The following TNRC6A variants were observed in gnomAD, a reference collection of about 807,000 sequenced individuals.
The protein encoded by TNRC6A is trinucleotide repeat-containing gene 6A protein.
In TNRC6A, 44 loss-of-function variants were observed where a neutral mutation model predicts 221.2. That is an observed-to-expected ratio of 0.20 (90% CI 0.16 to 0.26). The LOEUF (loss-of-function observed/expected upper bound fraction) is 0.26, where lower values mean the gene tolerates loss of function less well. Among genes scored for constraint, TNRC6A ranks in the 10% least tolerant of loss-of-function variants. The pLI is 1.00. For synonymous variants in TNRC6A, 847 were observed against 838.5 expected, an observed-to-expected ratio of 1.01 and a Z score of -0.18; for missense variants, 2,199 against 2,404.4, an observed-to-expected ratio of 0.91 and a Z score of 1.79.
intron 5 of TNRC6A, among the ~76,000 whole-genome samples, chr16:24,783,138 CT>C (rs551197182): frequency 3.4e-5 from 5 of 147,816 alleles, no homozygotes; most frequent in Non-Finnish European, 6.0e-5. Context: ...TGTTTCTTTT[CT>C]TTTTTTTTTC....
intron 18 of TNRC6A, among the ~76,000 whole-genome samples, chr16:24,809,789 T>C (rs920542273): frequency 6.6e-6 from 1 of 152,178 alleles, no homozygotes; most frequent in Non-Finnish European, 1.5e-5. Context: ...TTATTAACAT[T>C]TACTGGATTT....
At chr16:24,617,975 G>A (rs1900458936) in intron 1 of TNRC6A, among the ~76,000 whole-genome samples, 1 of 152,118 alleles carries the variant, frequency 6.6e-6, no homozygotes, top group Non-Finnish European at 1.5e-5. Context: ...ATCTCAGCTC[G>A]TAACCTCTGC....
intron 2 of TNRC6A, among the ~76,000 whole-genome samples, chr16:24,681,333 T>C (rs749357843): frequency 1.3e-5 from 2 of 152,136 alleles, no homozygotes; most frequent in East Asian, 1.9e-4. Context: ...ATTCAAGTGA[T>C]TCTCCTGCCT....
In TNRC6A at chr16:24,818,670, C is replaced by T. The variant is rs1385868158; in HGVS notation, c.5050C>T (p.Pro1684Ser). ...CATTCGTGCCTCCAACTACAACGTTCCCCTCAGCAGTACAGCACAAAGCAC... is the reference window on the plus strand; with the variant it reads ...CATTCGTGCCTCCAACTACAACGTTTCCCTCAGCAGTACAGCACAAAGCAC... ...SSIRASNYNV[P>S]LSSTAQSTSA... Residue 1684 changes from proline (P) to serine (S), a missense_variant, in exon 21 of 25, where the codon CCC (proline) becomes TCC (serine). Pro to Ser is a moderately conservative substitution (Grantham distance 74, BLOSUM62 -1). This residue lies in a region of TNRC6A where 449 missense variants were observed against 579.7 expected (regional missense o/e 0.77). Coordinates refer to ENST00000395799, the MANE Select transcript of TNRC6A (RefSeq NM_014494.4). The T allele has an allele frequency of 1.2e-6, 2 of 1,614,052 alleles. No individual in the cohort carries two copies. Among genetic ancestry groups the T allele is most frequent in the Non-Finnish European group, 1.7e-6 (2 of 1,180,022 alleles).
chr16:24,822,678 G>A (rs2058789859), intron 23 of TNRC6A, among the ~76,000 whole-genome samples, 196 bp from the exon 24 acceptor site: 1 of 152,124 alleles, frequency 6.6e-6, no homozygotes, highest in African/African-American at 2.4e-5. Flanking sequence ...GGCCAGAGCG[G>A]TATGGCTCTG....
intron 5 of TNRC6A, among the ~76,000 whole-genome samples, chr16:24,779,580 C>G (rs1033699818): frequency 6.6e-6 from 1 of 152,146 alleles, no homozygotes; most frequent in Non-Finnish European, 1.5e-5. Context: ...GTGGCTAATC[C>G]TTATGGGGTG....
chr16:24,735,991 C>T (rs897286329), intron 2 of TNRC6A, among the ~76,000 whole-genome samples: 3 of 152,004 alleles, frequency 2.0e-5, no homozygotes, highest in Non-Finnish European at 1.5e-5. Flanking sequence ...ATGGTGAAAC[C>T]CCATCTTTAC....
chr16:24,717,153 C>G (rs12444677), intron 2 of TNRC6A, among the ~76,000 whole-genome samples: 1 of 152,042 alleles, frequency 6.6e-6, no homozygotes, highest in Admixed American at 6.6e-5. Flanking sequence ...GGTGCAATCA[C>G]GGCTCCTTGC....
rs60844823 is a variant in TNRC6A, at chr16:24,709,824, C to CAAAAAAAA, written n.403-40892_403-40885dup. Among the ~76,000 whole-genome samples the CAAAAAAAA allele has an allele frequency of 4.0e-4, 41 of 103,644 alleles. 1 individual carries two copies. The highest frequency in any genetic ancestry group is 1.5e-3 in the East Asian group (5 of 3,370). 68.0% of individuals were successfully genotyped at this position (103,644 alleles called of 152,430 possible). ...TGGGCAACAGAACAAGACCCTGTCT[C>CAAAAAAAA]AAAAAAAAAAAAAAAAAGAAGTTTA... is the stretch of plus-strand genomic sequence containing the variant. On this transcript the variant is annotated intron_variant and non_coding_transcript_variant, in intron 2 of 2. Transcript: ENST00000566108.
chr16:24,791,880 A>G (rs149255031), intron 6 of TNRC6A, 63 bp downstream of exon 6: 216 of 1,431,262 alleles, frequency 1.5e-4, no homozygotes, highest in Non-Finnish European at 1.9e-4. Flanking sequence ...AGATTTGTAT[A>G]ACAAAGTACT....
At chr16:24,627,814 C>T (rs570836995) in intron 1 of TNRC6A, among the ~76,000 whole-genome samples, 46 of 150,420 alleles carry the variant, frequency 3.1e-4, no homozygotes, top group South Asian at 8.5e-4. Flanking sequence ...TCTCCTGCCT[C>T]AGCCTCCTGA....
intron 4 of TNRC6A, among the ~76,000 whole-genome samples, chr16:24,772,985 T>C (rs1299320957): frequency 6.6e-6 from 1 of 152,202 alleles, no homozygotes; most frequent in Non-Finnish European, 1.5e-5. Context: ...AACATAAATA[T>C]ATTAATTGCC....
intron 5 of TNRC6A, among the ~76,000 whole-genome samples, chr16:24,786,566 G>A (rs960745217): frequency 1.3e-5 from 2 of 152,038 alleles, no homozygotes; most frequent in Non-Finnish European, 2.9e-5. Flanking sequence ...CTCCCGCCTC[G>A]GCTCCCTAAA....
intron 4 of TNRC6A, among the ~76,000 whole-genome samples, chr16:24,765,524 T>G (rs774422187): frequency 1.1e-4 from 16 of 152,196 alleles, no homozygotes; most frequent in Non-Finnish European, 2.2e-4. Context: ...TAGGGTGGTA[T>G]TAAGTAATAA....
chr16:24,667,276 C>G (rs1032838482), intron 2 of TNRC6A, among the ~76,000 whole-genome samples: 2 of 152,106 alleles, frequency 1.3e-5, no homozygotes, highest in Non-Finnish European at 2.9e-5. Context: ...GGCTCTGTCC[C>G]GTGCCTGGGC....
intron 2 of TNRC6A, among the ~76,000 whole-genome samples, chr16:24,738,992 CT>C (rs2056833260): frequency 6.6e-6 from 1 of 152,152 alleles, no homozygotes; most frequent in Non-Finnish European, 1.5e-5. Flanking sequence ...GTAGCTGGGA[CT>C]GCAGGTGCAT....
intron 2 of TNRC6A, among the ~76,000 whole-genome samples, chr16:24,697,212 G>A (rs1469935487): frequency 6.6e-6 from 1 of 152,100 alleles, no homozygotes; most frequent in Non-Finnish European, 1.5e-5. Context: ...ATTATTACAT[G>A]TCAACTAAAA....
rs76645377 is a variant in TNRC6A at position 24,800,919 on chromosome 16, C to G, written c.3694+2953C>G. Among the ~76,000 whole-genome samples the G allele has an allele frequency of 8.6e-3, 1,315 of 152,258 alleles. 21 individuals carry two copies. The highest frequency in any genetic ancestry group is 0.03 in the African/African-American group (1,249 of 41,532). On this transcript the variant is annotated intron_variant, in intron 11 of 24. Transcript: ENST00000395799. ...CTCGAGCTCCCTCTTCTGACAAAGC[C>G]TCAGTACCAGCTGGCTAAGGAAAAA...
chr16:24,823,370 T>C lies in TNRC6A; in HGVS notation c.5514-62T>C, dbSNP rs1287280436. ...CAGAGACAAGTTGCACCCTCACTTG[T>C]GAGTGAATGAAGCCCTCCTGGTGTG... On this transcript the variant is annotated intron_variant, in intron 24 of 24. Transcript: ENST00000395799. This position sits in a 1 kb window ranked among gnomAD's most constrained non-coding sequence, Gnocchi z 4.3. 6.5e-7 allele frequency: 1 copy of C among 1,536,332 alleles called. No homozygotes were observed. The highest frequency in any genetic ancestry group is 1.4e-5 in the African/African-American group (1 of 72,838).
Sources: gnomAD v4.1 joint callset for allele counts (sites outside exome capture counted in the v4.1 genomes callset) on GRCh38, gnomAD v4.1.1 for gene constraint, gnomAD v4.1.1 regional missense constraint, Gnocchi (gnomAD v3.1) non-coding constraint, MANE v1.5 for transcripts, NCBI Gene and HGNC (gene_info 2026-07-23, HGNC 2026-07-21) for gene names.